NUP205: variants seen among roughly 807,000 people sequenced by gnomAD.
NUP205 encodes the protein nuclear pore complex protein Nup205.
A neutral mutation model predicts 253.8 loss-of-function variants in NUP205; 76 were observed. The ratio of observed to expected loss-of-function variants is 0.30; its 90% CI spans 0.25 to 0.36. The LOEUF is 0.36. NUP205 is among the 10% of genes least tolerant of loss of function. NUP205 has a pLI of 1.00. For synonymous variants in NUP205, 832 were observed against 850.1 expected (o/e 0.98, Z 0.37); for missense variants, 2,162 against 2,425.5 (o/e 0.89, Z 2.28).
intron 2 of NUP205, among the ~76,000 whole-genome samples, chr7:135,573,103 G>C (rs913806492): frequency 1.3e-5 from 2 of 151,916 alleles, no homozygotes; most frequent in Non-Finnish European, 2.9e-5. Context: ...CGGTTTTTCT[G>C]TCTGCAATAG....
At chr7:135,626,096 C>T (rs886374451) in intron 32 of NUP205, 144 bp from the exon 33 acceptor site, 72 of 893,840 alleles carry the variant, frequency 8.1e-5, no homozygotes, top group Non-Finnish European at 1.1e-4. Context: ...AGGAAGAAAG[C>T]GGTATAATGT....
chr7:135,579,806 G>A (rs185685017), intron 7 of NUP205, among the ~76,000 whole-genome samples: 12 of 152,044 alleles, frequency 7.9e-5, no homozygotes, highest in South Asian at 6.2e-4. Flanking sequence ...CACCACACCC[G>A]GCTAATCTTT....
intron 26 of NUP205, 136 bp from the exon 27 acceptor site, chr7:135,617,466 G>T: frequency 1.4e-6 from 1 of 719,696 alleles, no homozygotes. Context: ...CTGGAAATTG[G>T]ACAGTGCTCC....
chr7:135,625,506 C>A, intron 32 of NUP205, 151 bp downstream of exon 32: 1 of 604,222 alleles, frequency 1.7e-6, no homozygotes, highest in Non-Finnish European at 2.7e-6. Context: ...TGGAATCTTC[C>A]TAGTGTGCAA....
intron 1 of NUP205, among the ~76,000 whole-genome samples, chr7:135,566,062 G>A (rs1805748004): frequency 1.3e-5 from 2 of 152,120 alleles, no homozygotes; most frequent in African/African-American, 2.4e-5. Context: ...AGAAAAGACA[G>A]ATACATAAAC....
intron 30 of NUP205, among the ~76,000 whole-genome samples, chr7:135,621,540 C>T (rs1794469932): frequency 6.6e-6 from 1 of 152,112 alleles, no homozygotes; most frequent in African/African-American, 2.4e-5. Context: ...AGATTAGTTT[C>T]CAATACAAGT....
At chr7:135,645,997 T>A in intron 41 of NUP205, 161 bp from the exon 42 acceptor site, 2 of 617,998 alleles carry the variant, frequency 3.2e-6, no homozygotes, top group East Asian at 5.5e-5. Flanking sequence ...AGTGAAATGC[T>A]TTCTAGGGGC....
chr7:135,616,216 CATCTT>C (rs1296196227), intron 24 of NUP205, 151 bp downstream of exon 24: 2 of 617,604 alleles, frequency 3.2e-6, no homozygotes, highest in South Asian at 2.4e-5. Context: ...AATTTTAACT[CATCTT>C]ATGATTGTCA....
intron 20 of NUP205, 91 bp from the exon 21 acceptor site, chr7:135,606,660 A>G (rs965559495): frequency 1.6e-5 from 15 of 929,706 alleles, no homozygotes; most frequent in Non-Finnish European, 2.5e-5. Context: ...TAAAGAAAAC[A>G]TGGAGTTGGA....
At chr7:135,571,680 C>T (rs1217915120) in intron 2 of NUP205, among the ~76,000 whole-genome samples, 1 of 152,076 alleles carries the variant, frequency 6.6e-6, no homozygotes, top group African/African-American at 2.4e-5. Flanking sequence ...GGGAGTCATT[C>T]ATCCCCTCAA....
At chr7:135,570,048 TATATAGAGAGAGAGAGAG>T (rs1279896451) in intron 1 of NUP205, among the ~76,000 whole-genome samples, 13 of 99,786 alleles carry the variant, frequency 1.3e-4, no homozygotes, top group East Asian at 5.2e-4. Context: ...TATATATATA[TATATAGAGAGAGAGAGAG>T]AGAGAGAGAG....
At chr7:135,569,920 C>T (rs967426942) in intron 1 of NUP205, among the ~76,000 whole-genome samples, 3 of 151,810 alleles carry the variant, frequency 2.0e-5, no homozygotes, top group African/African-American at 7.3e-5. Flanking sequence ...AGGAAAGGCA[C>T]TTACCTTTAT....
intron 14 of NUP205, 76 bp downstream of exon 14, chr7:135,597,494 C>T (rs1290869479): frequency 2.3e-6 from 2 of 856,380 alleles, no homozygotes; most frequent in Non-Finnish European, 3.9e-6. Flanking sequence ...TCATTCTTAC[C>T]CTTTTACGTT....
Position 135,598,182 on chromosome 7 carries a change from G to A in NUP205, c.2249G>A (p.Arg750Lys), listed in dbSNP as rs758025278. Residue 750 changes from arginine to lysine, a missense_variant, in exon 15 of 43, where the codon AGA becomes AAA. Around this residue, in one of 5 missense-constraint regions of NUP205, gnomAD observed 892 missense variants for 957.1 expected, o/e 0.93. Coordinates refer to ENST00000285968, the MANE Select transcript of NUP205 (RefSeq NM_015135.3). ...TCTGTGTTTCTACGATTCCGTACAA[G>A]AGCTTACCGGAGAGCAGCTGAAAAG... ...RDSVFLRFRT[R>K]AYRRAAEKWE... The A allele has an allele frequency of 1.2e-6, 2 of 1,613,952 alleles. No individual in the cohort carries two copies. The highest frequency in any genetic ancestry group is 1.7e-6 in the Non-Finnish European group (2 of 1,179,996).
intron 3 of NUP205, among the ~76,000 whole-genome samples, chr7:135,575,140 G>T (rs1806118757): frequency 6.6e-6 from 1 of 152,214 alleles, no homozygotes; most frequent in African/African-American, 2.4e-5. Context: ...AATTGAGAAT[G>T]ATGTGGAAAC....
chr7:135,597,818 A>G, intron 14 of NUP205, 180 bp from the exon 15 acceptor site: 3 of 570,474 alleles, frequency 5.3e-6, no homozygotes, highest in Non-Finnish European at 9.2e-6. Flanking sequence ...GAGTTCTTCC[A>G]TCTGACTCAT....
chr7:135,597,961 T>C, intron 14 of NUP205, 37 bp from the exon 15 acceptor site: 1 of 1,548,616 alleles, frequency 6.5e-7, no homozygotes, highest in Non-Finnish European at 8.9e-7. Flanking sequence ...TAGCTAATAG[T>C]TTTTATTACC....
At chr7:135,586,786 G>A (rs1261247551) in intron 8 of NUP205, among the ~76,000 whole-genome samples, 4 of 152,158 alleles carry the variant, frequency 2.6e-5, no homozygotes, top group East Asian at 1.9e-4. Context: ...AACACGCCTT[G>A]TAGAATTTCA....
Position 135,614,234 on chromosome 7 carries a change from T to C in NUP205, c.3271T>C (p.Leu1091=). 1 of 1,611,542 alleles carries C rather than the reference T, an allele frequency of 6.2e-7. No homozygotes were observed. The highest frequency in any genetic ancestry group is 1.3e-5 in the African/African-American group (1 of 75,010). ...GTACTTGAGAACCAGCCAGGATTTCTTATTTTCCCAGTTGCAGTATCTACC... is the reference window on the plus strand; with the variant it reads ...GTACTTGAGAACCAGCCAGGATTTCCTATTTTCCCAGTTGCAGTATCTACC... ...MRYLRTSQDF[L]FSQLQYLPFS... is the part of the protein sequence containing the mutation. Residue 1091 remains leucine, a synonymous_variant, in exon 23 of 43, where the codon TTA becomes CTA. Transcript: ENST00000285968.
Sources: allele counts gnomAD v4.1 joint callset (sites outside exome capture counted in the v4.1 genomes callset), GRCh38; gene constraint gnomAD v4.1.1; regional missense constraint gnomAD v4.1.1; transcripts MANE v1.5; gene names NCBI Gene and HGNC (gene_info 2026-07-23, HGNC 2026-07-21).